The following AKAP19 variants were observed in gnomAD, a reference collection of about 807,000 sequenced individuals.
The protein encoded by AKAP19 is A-kinase anchoring protein 19, also known as small A-kinase anchoring protein.
At chr2:189,970,095 G>A in the AKAP19 span, among the ~76,000 whole-genome samples, 1 of 151,760 alleles carries the variant, frequency 6.6e-6, no homozygotes, top group Non-Finnish European at 1.5e-5. Context: ...TTGAACTCCT[G>A]GACTCAAGAG....
At chr2:190,121,958 G>A in the AKAP19 span, among the ~76,000 whole-genome samples, 1 of 152,140 alleles carries the variant, frequency 6.6e-6, no homozygotes. Context: ...ACTTCTTTGA[G>A]GGGGAATTTG....
At chr2:189,991,506 G>T in the AKAP19 span, among the ~76,000 whole-genome samples, 1 of 152,084 alleles carries the variant, frequency 6.6e-6, no homozygotes, top group African/African-American at 2.4e-5. Flanking sequence ...TTTGAGAACT[G>T]TCTATTCATG....
chr2:190,148,939 CT>C, the AKAP19 span, among the ~76,000 whole-genome samples: 11 of 123,580 alleles, frequency 8.9e-5, no homozygotes, highest in African/African-American at 3.4e-4. Context: ...TCAATTTTAT[CT>C]TTTCTTTTCT....
the AKAP19 span, among the ~76,000 whole-genome samples, chr2:190,172,603 T>C: frequency 6.6e-6 from 1 of 152,208 alleles, no homozygotes; most frequent in South Asian, 2.1e-4. Context: ...GATAGGAGGT[T>C]TGCTGCCCAG....
chr2:189,967,816 C>T, the AKAP19 span, among the ~76,000 whole-genome samples: 79 of 149,594 alleles, frequency 5.3e-4, no homozygotes, highest in South Asian at 2.7e-3. Flanking sequence ...CATAATGAGA[C>T]CCCATCTCTA....
the AKAP19 span, among the ~76,000 whole-genome samples, chr2:190,101,452 C>T: frequency 6.6e-6 from 1 of 152,170 alleles, no homozygotes; most frequent in Admixed American, 6.5e-5. Context: ...CACCGCCAGG[C>T]AGAACTCCAG....
the AKAP19 span, among the ~76,000 whole-genome samples, chr2:189,977,610 G>A: frequency 2.0e-3 from 298 of 152,292 alleles, 2 homozygotes; most frequent in African/African-American, 6.6e-3. Context: ...GGATTTAGAA[G>A]ATAAATTTAA....
chr2:189,882,965 C>T, the AKAP19 span, among the ~76,000 whole-genome samples: 2 of 151,912 alleles, frequency 1.3e-5, no homozygotes, highest in African/African-American at 4.8e-5. Flanking sequence ...ATTGGACTGT[C>T]ACAACTGCTC....
chr2:190,027,156 C>T, the AKAP19 span, among the ~76,000 whole-genome samples: 2 of 152,226 alleles, frequency 1.3e-5, no homozygotes, highest in Non-Finnish European at 2.9e-5. Flanking sequence ...TACCCAACAC[C>T]ATTTGTTAAA....
the AKAP19 span, among the ~76,000 whole-genome samples, chr2:189,935,337 A>G: frequency 1.3e-4 from 20 of 152,064 alleles, no homozygotes; most frequent in African/African-American, 4.8e-4. Context: ...AAATTCTGGA[A>G]AAGATAGTTT....
the AKAP19 span, among the ~76,000 whole-genome samples, chr2:190,125,900 T>C: frequency 6.6e-6 from 1 of 152,106 alleles, no homozygotes; most frequent in Admixed American, 6.5e-5. Flanking sequence ...TAAAAATGCA[T>C]GGCATGAGAT....
the AKAP19 span, among the ~76,000 whole-genome samples, chr2:189,953,360 G>T: frequency 6.6e-6 from 1 of 152,016 alleles, no homozygotes; most frequent in South Asian, 2.1e-4. Context: ...TATAGGCCGG[G>T]CATGGTGGCT....
At chr2:190,009,080 A>G in the AKAP19 span, among the ~76,000 whole-genome samples, 3 of 152,150 alleles carry the variant, frequency 2.0e-5, no homozygotes, top group Admixed American at 1.3e-4. Context: ...GATATCTGGC[A>G]TTGTGAGGAA....
the AKAP19 span, among the ~76,000 whole-genome samples, chr2:189,963,997 C>T: frequency 1.3e-5 from 2 of 152,250 alleles, no homozygotes; most frequent in South Asian, 2.1e-4. Flanking sequence ...TCAAGCCATC[C>T]ACCACCTTGG....
chr2:190,006,424 G>A, the AKAP19 span, among the ~76,000 whole-genome samples: 1 of 152,088 alleles, frequency 6.6e-6, no homozygotes, highest in Non-Finnish European at 1.5e-5. Flanking sequence ...GAGACGGGCA[G>A]ATCATGAGGT....
At chr2:190,167,212 G>A in the AKAP19 span, among the ~76,000 whole-genome samples, 1 of 152,170 alleles carries the variant, frequency 6.6e-6, no homozygotes, top group Non-Finnish European at 1.5e-5. Context: ...GTCTCACATT[G>A]TGGCAGACAA....
the AKAP19 span, among the ~76,000 whole-genome samples, chr2:190,039,255 T>C: frequency 0.011 from 1,667 of 152,112 alleles, 26 homozygotes; most frequent in African/African-American, 0.038. Flanking sequence ...ATTTTTGTAT[T>C]TTTAGTAGAG....
At chr2:189,979,372 G>A in the AKAP19 span, among the ~76,000 whole-genome samples, 1 of 152,138 alleles carries the variant, frequency 6.6e-6, no homozygotes, top group African/African-American at 2.4e-5. Context: ...AACTAGCCAG[G>A]CATATGCAGA....
chr2:189,919,176 G>A, the AKAP19 span, among the ~76,000 whole-genome samples: 1 of 152,160 alleles, frequency 6.6e-6, no homozygotes, highest in African/African-American at 2.4e-5. Flanking sequence ...TACTGTATAT[G>A]AAACTTCCAA....
Sources: allele counts gnomAD v4.1 joint callset (sites outside exome capture counted in the v4.1 genomes callset), GRCh38; gene constraint gnomAD v4.1.1; transcripts MANE v1.5; gene names NCBI Gene and HGNC (gene_info 2026-07-23, HGNC 2026-07-21).